Variants in RIN2 observed in about 807,000 individuals in gnomAD.
RIN2 encodes the protein RAB5 interacting protein 2.
A neutral mutation model predicts 78.0 loss-of-function variants in RIN2; 36 were observed. That is an observed-to-expected ratio of 0.46 (90% CI 0.35 to 0.61). The LOEUF is 0.61. RIN2 is among the 20% of genes least tolerant of loss of function. The pLI is 0.00. For missense variants in RIN2, 1,087 were observed against 1,159.7 expected (o/e 0.94, Z 0.91); for synonymous variants, 466 against 466.8 (o/e 1.00, Z 0.02).
intron 4 of RIN2, among the ~76,000 whole-genome samples, chr20:19,943,079 G>A (rs147456195): frequency 1.2e-4 from 18 of 152,304 alleles, no homozygotes; most frequent in South Asian, 2.1e-4. Flanking sequence ...TGCATGCCCC[G>A]GGCTTGAAGG....
intron 2 of RIN2, among the ~76,000 whole-genome samples, chr20:19,820,768 C>T (rs1215088926): frequency 6.6e-6 from 1 of 152,158 alleles, no homozygotes; most frequent in East Asian, 1.9e-4. Context: ...GTTTCTGATG[C>T]GATAGGTCTG....
chr20:19,947,420 T>G (rs1015146884), intron 4 of RIN2, among the ~76,000 whole-genome samples: 2 of 152,202 alleles, frequency 1.3e-5, no homozygotes, highest in Non-Finnish European at 2.9e-5. Flanking sequence ...TTTATTTTGT[T>G]TTTGAGTTTT....
chr20:19,918,961 G>C (rs562230257), intron 3 of RIN2, among the ~76,000 whole-genome samples: 11 of 152,186 alleles, frequency 7.2e-5, no homozygotes, highest in Non-Finnish European at 1.0e-4. Context: ...TGATATTCAC[G>C]GCAAATCTAC....
chr20:19,762,899 G>T (rs1282223044), intron 1 of RIN2, among the ~76,000 whole-genome samples: 1 of 152,026 alleles, frequency 6.6e-6, no homozygotes, highest in Non-Finnish European at 1.5e-5. Flanking sequence ...GAATAGCTGG[G>T]ATTACAGGTG....
chr20:19,953,379 G>A (rs1018280169), intron 4 of RIN2, among the ~76,000 whole-genome samples: 4 of 151,906 alleles, frequency 2.6e-5, no homozygotes, highest in East Asian at 1.9e-4. Context: ...TGATCCAACC[G>A]CCTCAGCATC....
In RIN2 at chr20:19,873,387, A is replaced by G. The variant is rs547931361; in HGVS notation, c.-36-16179A>G. On this transcript the variant is annotated intron_variant, in intron 2 of 12. Transcript: ENST00000255006. ...GGGATCCTCCTGCTTCAGCCTGCCA[A>G]TGTGCTGGAATTACAGGTGTGCACC... Among the ~76,000 whole-genome samples, 232 of 152,256 alleles carry G rather than the reference A, an allele frequency of 1.5e-3. 2 individuals are homozygous for G. The highest frequency in any genetic ancestry group is 5.2e-3 in the African/African-American group (217 of 41,548).
chr20:19,872,057 A>C (rs2123371800), intron 2 of RIN2: 1 of 152,138 alleles, frequency 6.6e-6, no homozygotes, highest in East Asian at 1.9e-4. Context: ...GTGGGAGGTT[A>C]TTGGATCATG....
Position 19,789,638 on chromosome 20 carries a change from T to A in RIN2, c.-162-9984T>A, listed in dbSNP as rs1207196101. Reference sequence around the variant, plus strand: ...TCCCTGTAGGTGGCTCCTAATCTTATAACTGTTGTTCCAATCTGCCTCCTC... The same window carrying A: ...TCCCTGTAGGTGGCTCCTAATCTTAAAACTGTTGTTCCAATCTGCCTCCTC... On this transcript the variant is annotated intron_variant, in intron 1 of 12. Transcript: ENST00000255006. Among the ~76,000 whole-genome samples, 3 of 152,236 alleles carry A rather than the reference T, an allele frequency of 2.0e-5. No homozygotes were observed. In the East Asian group the frequency reaches 5.8e-4, roughly 29 times the overall value.
intron 7 of RIN2, among the ~76,000 whole-genome samples, chr20:19,968,681 A>T (rs1170956874): frequency 6.6e-6 from 1 of 152,252 alleles, no homozygotes; most frequent in Non-Finnish European, 1.5e-5. Flanking sequence ...TACTGCATTG[A>T]GCAAGGTAAA....
intron 1 of RIN2, among the ~76,000 whole-genome samples, chr20:19,764,732 A>C (rs1293133150): frequency 6.6e-6 from 1 of 151,814 alleles, no homozygotes; most frequent in East Asian, 1.9e-4. Context: ...AGTTTTTCAG[A>C]TTACTATTTA....
intron 1 of RIN2, among the ~76,000 whole-genome samples, chr20:19,759,276 A>G (rs1311790467): frequency 2.0e-5 from 3 of 152,168 alleles, no homozygotes; most frequent in Non-Finnish European, 4.4e-5. Flanking sequence ...TCCGCAGTGT[A>G]GCGGCACTTC....
intron 2 of RIN2, among the ~76,000 whole-genome samples, chr20:19,853,284 G>A (rs1048928206): frequency 6.6e-6 from 1 of 151,988 alleles, no homozygotes; most frequent in Non-Finnish European, 1.5e-5. Flanking sequence ...GTCTATCATT[G>A]ATGGACATTT....
intron 2 of RIN2, among the ~76,000 whole-genome samples, chr20:19,866,457 T>A (rs2037509546): frequency 6.6e-6 from 1 of 152,162 alleles, no homozygotes; most frequent in African/African-American, 2.4e-5. Context: ...TCCACAGGGC[T>A]GGGGAGTGCA....
At chr20:19,936,132 G>A (rs897875520) in intron 4 of RIN2, among the ~76,000 whole-genome samples, 4 of 152,230 alleles carry the variant, frequency 2.6e-5, no homozygotes, top group Non-Finnish European at 5.9e-5. Flanking sequence ...GGCACTTGCA[G>A]CTGGAAGGTG....
rs1601014042 is a variant in RIN2, at chr20:19,975,740, C to T, written c.1715C>T (p.Ser572Leu). 1.9e-6 allele frequency: 3 copies of T among 1,612,856 alleles called. No homozygotes were observed. The highest frequency in any genetic ancestry group is 2.5e-6 in the Non-Finnish European group (3 of 1,179,562). Residue 572 changes from serine (S) to leucine (L), a missense_variant, in exon 9 of 13, where the codon TCG (serine) becomes TTG (leucine). Coordinates refer to ENST00000255006, the MANE Select transcript of RIN2 (RefSeq NM_018993.4). This position sits in a 1 kb window ranked among gnomAD's most constrained non-coding sequence, Gnocchi z 4.9. ...GTCAAGAACTATTTGTCTCAGAGCT[C>T]GGAGCTGGACCCCCCCATCGAGTCG... ...TQVKNYLSQS[S>L]ELDPPIESLI... is the part of the protein sequence containing the mutation.
intron 1 of RIN2, among the ~76,000 whole-genome samples, chr20:19,790,048 A>G (rs1199379112): frequency 2.0e-5 from 3 of 152,112 alleles, no homozygotes; most frequent in Admixed American, 2.0e-4. Context: ...TCACGTTTTT[A>G]TCAAAATGTG....
At chr20:19,949,203 G>C (rs6106160) in intron 4 of RIN2, among the ~76,000 whole-genome samples, 13,933 of 152,216 alleles carry the variant, frequency 0.092, 693 homozygotes, top group Non-Finnish European at 0.094. Context: ...AATCGCTTGA[G>C]CCTGGGAGGC....
rs1277014177 is a variant in RIN2 at position 19,889,617 on chromosome 20, A to G, written c.16A>G (p.Met6Val). Residue 6 changes from methionine (M) to valine (V), a missense_variant, in exon 3 of 13, where the codon ATG (methionine) becomes GTG (valine). By Grantham distance (21) the Met-to-Val change is conservative. Coordinates refer to ENST00000255006, the MANE Select transcript of RIN2 (RefSeq NM_018993.4). Reference sequence around the variant, plus strand: ...GCTGGGGGAAATGACAGCTTGGACCATGGGCGCCCGCGGTCTGGACAAGCG... The same window carrying G: ...GCTGGGGGAAATGACAGCTTGGACCGTGGGCGCCCGCGGTCTGGACAAGCG... MTAWTMGARGLDKRGS... is the reference protein window; with the variant it reads MTAWTVGARGLDKRGS... 1.3e-6 allele frequency: 2 copies of G among 1,551,774 alleles called. No individual in the cohort carries two copies. Among genetic ancestry groups the G allele is most frequent in the East Asian group, 2.4e-5 (1 of 41,172 alleles).
intron 1 of RIN2, among the ~76,000 whole-genome samples, chr20:19,764,926 T>TG (rs2033814845): frequency 1.7e-5 from 2 of 116,576 alleles, no homozygotes; most frequent in African/African-American, 7.2e-5. Flanking sequence ...GCGTTTTTTT[T>TG]TTTTTTTTTT....
Sources: gnomAD v4.1 joint callset for allele counts (sites outside exome capture counted in the v4.1 genomes callset) on GRCh38, gnomAD v4.1.1 for gene constraint, Gnocchi (gnomAD v3.1) non-coding constraint, MANE v1.5 for transcripts, NCBI Gene and HGNC (gene_info 2026-07-23, HGNC 2026-07-21) for gene names.